The following SCAP variants were observed in gnomAD, a reference collection of about 807,000 sequenced individuals.
SCAP encodes SREBF chaperone, also known as sterol regulatory element-binding protein cleavage-activating protein.
Under a neutral mutation model 123.6 loss-of-function variants are expected in SCAP, and 65 were observed. The ratio of observed to expected loss-of-function variants is 0.53; its 90% confidence interval spans 0.43 to 0.65. The LOEUF (loss-of-function observed/expected upper bound fraction) is 0.65, where lower values mean the gene tolerates loss of function less well. Among genes scored for constraint, SCAP ranks in the 30% least tolerant of loss-of-function variants. The pLI, the probability that SCAP is intolerant of heterozygous loss-of-function variation, is 0.00. For missense variants in SCAP, 1,398 were observed against 1,712.5 expected (o/e 0.82, Z 3.24); for synonymous variants, 740 against 726.3 (o/e 1.02, Z -0.30).
In SCAP at chr3:47,420,674, CCTCACAG is replaced by C. The variant is rs776540758; in HGVS notation, c.1436_1442del (p.Ala479GlyfsTer67). On this transcript the variant is annotated frameshift_variant, in exon 12 of 23. Coordinates refer to ENST00000265565, the MANE Select transcript of SCAP (RefSeq NM_012235.4). LOFTEE classifies it high-confidence loss of function. The surrounding 1 kb of genome is among the most constrained non-coding windows in gnomAD (Gnocchi z 5.0). The stretch of plus-strand genomic sequence containing the variant: ...ACGTGATGGTGTGGGGTGTGGACGG[CCTCACAG>C]CCAGCTGCCGCTCGTAGCGCGTTGG... 1 of 1,611,752 alleles carries C rather than the reference CCTCACAG, an allele frequency of 6.2e-7. No homozygotes were observed. Among genetic ancestry groups the C allele is most frequent in the South Asian group, 1.1e-5 (1 of 91,012 alleles).
chr3:47,467,745 C>T lies in SCAP; in HGVS notation c.-99+8054G>A, dbSNP rs1707876315. On this transcript the variant is annotated intron_variant, in intron 1 of 22. Coordinates refer to ENST00000265565, the MANE Select transcript of SCAP (RefSeq NM_012235.4). ...ATCACAATGAGATACCAATTCCCAC[C>T]CACTGGCCCTTGGGTACATGTGCAC... Among the ~76,000 whole-genome samples, 4 of 152,104 alleles carry T rather than the reference C, an allele frequency of 2.6e-5. No homozygotes were observed. The South Asian group carries it at 8.3e-4, about 32-fold the overall frequency.
In SCAP at chr3:47,462,753, C is replaced by CA. The variant is rs369097240; in HGVS notation, c.-99+13045dup. Among the ~76,000 whole-genome samples the CA allele has an allele frequency of 8.3e-3, 659 of 79,182 alleles. 3 individuals carry two copies. Among genetic ancestry groups the CA allele is most frequent in the African/African-American group, 0.015 (297 of 19,440 alleles). The allele number at this position is 79,182 out of a possible 152,430, so 51.9% of individuals were successfully genotyped here. A position where few individuals can be genotyped will look rare whatever the true frequency, so the allele number is the denominator to read the frequency against. On this transcript the variant is annotated intron_variant, in intron 1 of 22. Transcript: ENST00000265565. ...GGGCAATAAGAGCGAAACTCCGTCT[C>CA]AAAAAAAAAAAAAAAAAAAAAGAAA...
intron 2 of SCAP, among the ~76,000 whole-genome samples, chr3:47,435,529 C>T (rs12632132): frequency 0.5 from 73,601 of 146,534 alleles, 19,967 homozygotes; most frequent in Non-Finnish European, 0.6. Context: ...GATAGATAGG[C>T]GCCTGCCACT....
intron 7 of SCAP, 107 bp from the exon 8 acceptor site, chr3:47,425,718 G>T (rs1706099023): frequency 3.1e-6 from 4 of 1,279,830 alleles, no homozygotes; most frequent in Admixed American, 2.0e-5. Context: ...AAAACTCCTG[G>T]TTTCACCAAA....
chr3:47,456,405 C>A (rs1374685068), intron 1 of SCAP, among the ~76,000 whole-genome samples: 1 of 151,752 alleles, frequency 6.6e-6, no homozygotes. Flanking sequence ...CCTGCCTCAA[C>A]ATAAAAATAA....
chr3:47,418,417 G>C lies in SCAP; in HGVS notation c.2235C>G (p.Pro745=). ...GCAGCTCCCCGCGCCTCCGCCGCCC[G>C]GGCCCACCACCCAGCTGCCCGTAGT... The part of the protein sequence containing the change: ...PRNYGQLGGG[P]GRRRRGELPC... The change falls in exon 15 of 23, where the codon CCC becomes CCG. Residue 745 remains proline (P), a synonymous_variant. Transcript: ENST00000265565. 2.5e-6 allele frequency: 4 copies of C among 1,580,402 alleles called. No homozygotes were observed. Among genetic ancestry groups the C allele is most frequent in the Non-Finnish European group, 3.4e-6 (4 of 1,167,006 alleles).
chr3:47,418,658 T>C lies in SCAP; in HGVS notation c.2126A>G (p.Tyr709Cys), dbSNP rs1705753902. The change falls in exon 14 of 23, where the codon TAC becomes TGC. Residue 709 changes from tyrosine (Y) to cysteine (C), a missense_variant. Coordinates refer to ENST00000265565, the MANE Select transcript of SCAP (RefSeq NM_012235.4). ...CCACCCCACCCAGCAGCCTTACTTG[T>C]ACAGCGTGACGTCTCCATGGGCCTG... ...GVQAHGDVTL[Y>C]KVAALGLATG... 8 of 1,522,122 alleles carry C rather than the reference T, an allele frequency of 5.3e-6. No individual in the cohort carries two copies. The highest frequency in any genetic ancestry group is 7.2e-6 in the Non-Finnish European group (8 of 1,118,758). 94.3% of individuals were successfully genotyped at this position (1,522,122 alleles called of 1,614,324 possible). A position where few individuals can be genotyped will look rare whatever the true frequency, so the allele number is the denominator to read the frequency against.
At chr3:47,470,230 A>G (rs1707980164) in intron 1 of SCAP, among the ~76,000 whole-genome samples, 1 of 152,206 alleles carries the variant, frequency 6.6e-6, no homozygotes, top group Non-Finnish European at 1.5e-5. Context: ...GCAAACCATC[A>G]TACATTTAGG....
At chr3:47,454,095 C>T (rs912064745) in intron 1 of SCAP, among the ~76,000 whole-genome samples, 21 of 152,274 alleles carry the variant, frequency 1.4e-4, no homozygotes, top group East Asian at 5.8e-4. Flanking sequence ...AGGCCGGGTG[C>T]GGTGGCTCAT....
At chr3:47,416,445 T>C (rs1466774674) in intron 18 of SCAP, among the ~76,000 whole-genome samples, 1 of 152,084 alleles carries the variant, frequency 6.6e-6, no homozygotes, top group East Asian at 1.9e-4. Flanking sequence ...TAACTAAAAA[T>C]GCAACCAAGA....
In SCAP at chr3:47,449,518, C is replaced by T. The variant is rs1019154612; in HGVS notation, c.-98-6427G>A. 1.6e-5 allele frequency among the ~76,000 whole-genome samples: 2 copies of T among 124,234 alleles called. 1 individual carries two copies. Among genetic ancestry groups the T allele is most frequent in the South Asian group, 6.0e-4 (2 of 3,332 alleles). 81.5% of individuals were successfully genotyped at this position (124,234 alleles called of 152,430 possible). A position where few individuals can be genotyped will look rare whatever the true frequency, so the allele number is the denominator to read the frequency against. Reference sequence around the variant, plus strand: ...TTGCCAATGTCACTGCTGTCTCCACCACTACACAATTACGTGGAGGGCCAG... The same window carrying T: ...TTGCCAATGTCACTGCTGTCTCCACTACTACACAATTACGTGGAGGGCCAG... On this transcript the variant is annotated intron_variant, in intron 1 of 22. Coordinates refer to ENST00000265565, the MANE Select transcript of SCAP (RefSeq NM_012235.4).
At chr3:47,472,171 C>T (rs1307231549) in intron 1 of SCAP, among the ~76,000 whole-genome samples, 3 of 151,166 alleles carry the variant, frequency 2.0e-5, no homozygotes, top group African/African-American at 7.3e-5. Context: ...CGGTGGCTCA[C>T]GCCTGTAATC....
At chr3:47,421,772 G>A (rs1192992092) in intron 10 of SCAP, among the ~76,000 whole-genome samples, 2 of 152,156 alleles carry the variant, frequency 1.3e-5, no homozygotes, top group African/African-American at 4.8e-5. Flanking sequence ...CAGCTGGCCT[G>A]CCAGCCCTGG....
chr3:47,428,932 G>A (rs976116394), intron 3 of SCAP: 1 of 381,464 alleles, frequency 2.6e-6, no homozygotes, highest in South Asian at 3.6e-5. Context: ...GAGTTGTGCA[G>A]AATGAGCTTG....
chr3:47,440,577 G>A (rs1370083342), intron 2 of SCAP, among the ~76,000 whole-genome samples: 1 of 152,168 alleles, frequency 6.6e-6, no homozygotes, highest in African/African-American at 2.4e-5. Flanking sequence ...CACTAAGAAT[G>A]TGACAGTACA....
intron 1 of SCAP, among the ~76,000 whole-genome samples, chr3:47,467,356 C>T (rs1371939083): frequency 6.6e-6 from 1 of 151,790 alleles, no homozygotes; most frequent in Admixed American, 6.6e-5. Context: ...TGTAATCCCA[C>T]CACTTTGGAA....
At chr3:47,446,530 A>AT (rs1003004705) in intron 1 of SCAP, among the ~76,000 whole-genome samples, 1 of 150,754 alleles carries the variant, frequency 6.6e-6, no homozygotes, top group Non-Finnish European at 1.5e-5. Flanking sequence ...GGGTTTTTGT[A>AT]TTTTTTTTCT....
intron 1 of SCAP, among the ~76,000 whole-genome samples, chr3:47,453,641 C>CCCTTAAACCCTTAAACCCTTAAAAG (rs1385658755): frequency 2.6e-5 from 4 of 152,120 alleles, no homozygotes; most frequent in African/African-American, 9.7e-5. Flanking sequence ...AACCCTTAAA[C>CCCTTAAACCCTTAAACCCTTAAAAG]TAATAACTAC....
intron 1 of SCAP, among the ~76,000 whole-genome samples, chr3:47,447,548 T>G (rs978483555): frequency 1.1e-4 from 16 of 151,728 alleles, no homozygotes; most frequent in African/African-American, 3.9e-4. Flanking sequence ...ATTGGCTGGG[T>G]GTGGTGGCGA....
Sources: allele counts gnomAD v4.1 joint callset (sites outside exome capture counted in the v4.1 genomes callset), GRCh38; gene constraint gnomAD v4.1.1; non-coding constraint Gnocchi (gnomAD v3.1); transcripts MANE v1.5; gene names NCBI Gene and HGNC (gene_info 2026-07-23, HGNC 2026-07-21).